Variants in PPP2R2B observed in about 807,000 individuals in gnomAD.
The protein encoded by PPP2R2B is protein phosphatase 2 regulatory subunit Bbeta, also known as serine/threonine-protein phosphatase 2A 55 kDa regulatory subunit B beta isoform.
A neutral mutation model predicts 46.0 loss-of-function variants in PPP2R2B; 5 were observed. The ratio of observed to expected loss-of-function variants is 0.11; its 90% CI spans 0.06 to 0.23. The LOEUF is 0.23. Among genes scored for constraint, PPP2R2B ranks in the 10% least tolerant of loss-of-function variants. The pLI is 1.00. For synonymous variants in PPP2R2B, 215 were observed against 206.7 expected (o/e 1.04, Z -0.34); for missense variants, 367 against 575.0 (o/e 0.64, Z 3.70).
At chr5:146,852,418 T>G (rs1009667098) in intron 2 of PPP2R2B, among the ~76,000 whole-genome samples, 1 of 152,114 alleles carries the variant, frequency 6.6e-6, no homozygotes, top group Non-Finnish European at 1.5e-5. Context: ...CTGTTTGCAT[T>G]TCACTAGTAT....
intron 1 of PPP2R2B, among the ~76,000 whole-genome samples, chr5:146,893,878 A>T (rs1762563026): frequency 1.2e-5 from 1 of 82,658 alleles, no homozygotes; most frequent in African/African-American, 5.0e-5. Context: ...CTTAAAGTAA[A>T]ATTGAAAAAA....
chr5:146,730,077 C>T (rs1752134991), intron 2 of PPP2R2B, among the ~76,000 whole-genome samples: 1 of 152,212 alleles, frequency 6.6e-6, no homozygotes, highest in African/African-American at 2.4e-5. Context: ...AGGCTATACC[C>T]TGCAAAGCCA....
At chr5:147,069,218 GACA>G in intron 2 of PPP2R2B, among the ~76,000 whole-genome samples, 1 of 152,152 alleles carries the variant, frequency 6.6e-6, no homozygotes, top group East Asian at 1.9e-4. Flanking sequence ...TCAGACCACA[GACA>G]GCATTTTACT....
intron 5 of PPP2R2B, among the ~76,000 whole-genome samples, chr5:146,655,447 C>T (rs1209413283): frequency 1.3e-5 from 2 of 152,218 alleles, no homozygotes; most frequent in African/African-American, 4.8e-5. Flanking sequence ...AATCGCACAG[C>T]CTTCAGTCTA....
At chr5:146,925,236 T>G (rs577453892) in intron 1 of PPP2R2B, among the ~76,000 whole-genome samples, 52 of 152,226 alleles carry the variant, frequency 3.4e-4, no homozygotes, top group Non-Finnish European at 6.9e-4. Context: ...TCATTTACAG[T>G]GCTCTTCATT....
At chr5:146,753,917 A>C (rs530304957) in intron 2 of PPP2R2B, among the ~76,000 whole-genome samples, 60 of 152,200 alleles carry the variant, frequency 3.9e-4, no homozygotes, top group South Asian at 2.3e-3. Context: ...ACAGCAGTTA[A>C]GCTTCCCTGT....
At chr5:146,690,688 A>G (rs1022886971) in intron 5 of PPP2R2B, among the ~76,000 whole-genome samples, 1 of 152,172 alleles carries the variant, frequency 6.6e-6, no homozygotes, top group Non-Finnish European at 1.5e-5. Flanking sequence ...AAGCTCGAAA[A>G]GGTTAAATGA....
intron 1 of PPP2R2B, among the ~76,000 whole-genome samples, chr5:147,007,944 G>A (rs1754524132): frequency 1.3e-5 from 2 of 152,178 alleles, no homozygotes; most frequent in Admixed American, 6.5e-5. Context: ...TCCACTGGAA[G>A]GAACCAATTC....
At chr5:147,069,493 G>C (rs1028792353) in intron 2 of PPP2R2B, among the ~76,000 whole-genome samples, 2 of 151,984 alleles carry the variant, frequency 1.3e-5, no homozygotes, top group Non-Finnish European at 2.9e-5. Context: ...ACCTGAACCT[G>C]CCTCTGCTTC....
intron 1 of PPP2R2B, among the ~76,000 whole-genome samples, chr5:146,981,337 C>T (rs1753168389): frequency 6.6e-6 from 1 of 152,034 alleles, no homozygotes; most frequent in South Asian, 2.1e-4. Flanking sequence ...TGTTTTTACT[C>T]TTCAATGAGA....
intron 2 of PPP2R2B, among the ~76,000 whole-genome samples, chr5:146,874,795 C>T (rs1040927152): frequency 2.5e-4 from 38 of 151,890 alleles, no homozygotes; most frequent in African/African-American, 9.2e-4. Context: ...AGATGAATCC[C>T]TGGTTAGGAA....
At chr5:146,871,744 C>A (rs1197326555) in intron 2 of PPP2R2B, among the ~76,000 whole-genome samples, 1 of 152,158 alleles carries the variant, frequency 6.6e-6, no homozygotes, top group Non-Finnish European at 1.5e-5. Flanking sequence ...CATGGGTGAG[C>A]AAAGAACATG....
intron 1 of PPP2R2B, among the ~76,000 whole-genome samples, chr5:147,019,490 T>G (rs910395022): frequency 6.6e-6 from 1 of 152,178 alleles, no homozygotes; most frequent in Admixed American, 6.5e-5. Flanking sequence ...GAAAGGAAGA[T>G]TTTAGATTTC....
chr5:147,038,749 C>T (rs1481697507), intron 1 of PPP2R2B, among the ~76,000 whole-genome samples: 1 of 152,098 alleles, frequency 6.6e-6, no homozygotes, highest in Non-Finnish European at 1.5e-5. Context: ...GCAAACAAGG[C>T]ACAGTAAGAT....
intron 2 of PPP2R2B, among the ~76,000 whole-genome samples, chr5:146,810,523 T>C (rs368507145): frequency 1.3e-5 from 2 of 152,082 alleles, no homozygotes; most frequent in Admixed American, 6.5e-5. Flanking sequence ...AGCCAAACCA[T>C]ACCAGATGCG....
At chr5:146,909,538 T>A (rs536124831) in intron 1 of PPP2R2B, among the ~76,000 whole-genome samples, 1 of 152,212 alleles carries the variant, frequency 6.6e-6, no homozygotes, top group South Asian at 2.1e-4. Context: ...TAACCTGGCA[T>A]GAAATATTTT....
intron 5 of PPP2R2B, among the ~76,000 whole-genome samples, chr5:146,659,102 A>C (rs1776527337): frequency 6.6e-6 from 1 of 152,210 alleles, no homozygotes; most frequent in Non-Finnish European, 1.5e-5. Context: ...AAGAAGAAAA[A>C]ATAATAATAT....
intron 1 of PPP2R2B, among the ~76,000 whole-genome samples, chr5:147,041,156 G>A (rs1756275936): frequency 6.6e-6 from 1 of 152,134 alleles, no homozygotes; most frequent in Admixed American, 6.5e-5. Flanking sequence ...CTCACCCAAG[G>A]GTTTTGGGTT....
At chr5:146,885,915 GA>G (rs907576763) in intron 1 of PPP2R2B, among the ~76,000 whole-genome samples, 13 of 152,066 alleles carry the variant, frequency 8.5e-5, no homozygotes, top group African/African-American at 2.9e-4. Flanking sequence ...GAAACGTTCA[GA>G]ATAGACAACT....
Sources: gnomAD v4.1 joint callset for allele counts (sites outside exome capture counted in the v4.1 genomes callset) on GRCh38, gnomAD v4.1.1 for gene constraint, MANE v1.5 for transcripts, NCBI Gene and HGNC (gene_info 2026-07-23, HGNC 2026-07-21) for gene names.